EPHA5: variants seen among roughly 807,000 people sequenced by gnomAD.
The protein encoded by EPHA5 is EPH receptor A5, also known as ephrin type-A receptor 5.
Under a neutral mutation model 105.0 loss-of-function variants are expected in EPHA5, and 60 were observed. That is an observed-to-expected ratio of 0.57 (90% CI 0.46 to 0.71). The LOEUF (loss-of-function observed/expected upper bound fraction) is 0.71. Ranked by LOEUF, EPHA5 falls within the 30% of genes least tolerant of loss-of-function variation. EPHA5 has a pLI of 0.00. For synonymous variants in EPHA5, 513 were observed against 449.1 expected (o/e 1.14, Z -1.80); for missense variants, 1,218 against 1,274.7 (o/e 0.96, Z 0.68).
intron 2 of EPHA5, among the ~76,000 whole-genome samples, chr4:65,625,136 T>A (rs550673399): frequency 1.3e-5 from 2 of 152,258 alleles, no homozygotes; most frequent in African/African-American, 2.4e-5. Flanking sequence ...TTATCTCATA[T>A]GATATAACAT....
At chr4:65,604,360 T>C (rs1266404430) in intron 2 of EPHA5, among the ~76,000 whole-genome samples, 1 of 152,194 alleles carries the variant, frequency 6.6e-6, no homozygotes, top group Non-Finnish European at 1.5e-5. Flanking sequence ...CTTGCTTCTC[T>C]GAATATTCTC....
chr4:65,363,967 C>T (rs543847930), intron 11 of EPHA5, among the ~76,000 whole-genome samples: 3 of 151,584 alleles, frequency 2.0e-5, no homozygotes, highest in East Asian at 1.9e-4. Context: ...TAAAAAAATG[C>T]TGTTTCCTCT....
chr4:65,529,646 A>T (rs1266075007), intron 3 of EPHA5, among the ~76,000 whole-genome samples: 1 of 152,160 alleles, frequency 6.6e-6, no homozygotes, highest in African/African-American at 2.4e-5. Context: ...ACAATTGCTT[A>T]TTAATAAATG....
chr4:65,363,043 G>A (rs774980251), intron 11 of EPHA5, among the ~76,000 whole-genome samples: 1 of 151,656 alleles, frequency 6.6e-6, no homozygotes, highest in Non-Finnish European at 1.5e-5. Flanking sequence ...AGAGTTGGTA[G>A]ACTTTGAATA....
intron 3 of EPHA5, among the ~76,000 whole-genome samples, chr4:65,560,902 A>T (rs1738942166): frequency 6.6e-6 from 1 of 152,000 alleles, no homozygotes; most frequent in Non-Finnish European, 1.5e-5. Flanking sequence ...AAATGACTCC[A>T]TGTTACTTGA....
intron 3 of EPHA5, among the ~76,000 whole-genome samples, chr4:65,520,966 G>A (rs918060099): frequency 6.6e-6 from 1 of 152,122 alleles, no homozygotes; most frequent in Non-Finnish European, 1.5e-5. Flanking sequence ...AGACAGTTTG[G>A]CGATTCCTCA....
At chr4:65,359,401 T>C (rs910846497) in intron 11 of EPHA5, among the ~76,000 whole-genome samples, 1 of 151,640 alleles carries the variant, frequency 6.6e-6, no homozygotes. Flanking sequence ...ATTTTTCTTT[T>C]TACTTCTTGA....
Position 65,323,939 on chromosome 4 carries a change from T to G in EPHA5, c.*175A>C. On this transcript the variant is annotated 3_prime_UTR_variant, in exon 17 of 17. Transcript: ENST00000613740. ...TTCATGAAAAATGAAGACTAAGGAC[T>G]AAGAACTGGATACTTCAGTAAAACC... 1 of 491,202 alleles carries G rather than the reference T, an allele frequency of 2.0e-6. No homozygotes were observed. Among genetic ancestry groups the G allele is most frequent in the Non-Finnish European group, 3.6e-6 (1 of 274,524 alleles). The allele number at this position is 491,202 out of a possible 1,614,324, so 30.4% of individuals were successfully genotyped here. A position where few individuals can be genotyped will look rare whatever the true frequency, so the allele number is the denominator to read the frequency against.
At chr4:65,501,239 A>C (rs1732459198) in intron 3 of EPHA5, among the ~76,000 whole-genome samples, 3 of 151,446 alleles carry the variant, frequency 2.0e-5, no homozygotes, top group South Asian at 2.1e-4. Flanking sequence ...TTCATATTTA[A>C]AACATTGGAA....
chr4:65,504,691 CT>C (rs987020356), intron 3 of EPHA5, among the ~76,000 whole-genome samples: 1 of 151,788 alleles, frequency 6.6e-6, no homozygotes, highest in African/African-American at 2.4e-5. Flanking sequence ...TGACACATGG[CT>C]TTTTGACTGC....
At chr4:65,426,876 C>A (rs1240879900) in intron 5 of EPHA5, among the ~76,000 whole-genome samples, 1 of 151,900 alleles carries the variant, frequency 6.6e-6, no homozygotes, top group Non-Finnish European at 1.5e-5. Flanking sequence ...ATAGGTAGAA[C>A]TATATTTGAA....
chr4:65,606,354 A>G (rs964496911), intron 2 of EPHA5, among the ~76,000 whole-genome samples: 2 of 152,306 alleles, frequency 1.3e-5, no homozygotes, highest in Middle Eastern at 3.4e-3. Flanking sequence ...CTTAATTCAG[A>G]GATCCCACTA....
chr4:65,491,157 G>C (rs1454460078), intron 4 of EPHA5, among the ~76,000 whole-genome samples: 2 of 149,890 alleles, frequency 1.3e-5, no homozygotes, highest in African/African-American at 2.5e-5. Context: ...TTTCAGCGTA[G>C]CTCCTGACTA....
intron 3 of EPHA5, among the ~76,000 whole-genome samples, chr4:65,525,491 C>G (rs938011953): frequency 2.0e-5 from 3 of 151,746 alleles, no homozygotes; most frequent in African/African-American, 7.2e-5. Context: ...TGCTACAAGT[C>G]TCTTCCTGCT....
In EPHA5 at chr4:65,492,200, G is replaced by A. The variant is rs149177009; in HGVS notation, c.1067-1488C>T. Reference sequence around the variant, plus strand: ...CATTTAAGATTTAGCTGGATAGAATGTCATTTATCTATTTATTTAGGGACA... The same window carrying A: ...CATTTAAGATTTAGCTGGATAGAATATCATTTATCTATTTATTTAGGGACA... On this transcript the variant is annotated intron_variant, in intron 4 of 16. Coordinates refer to ENST00000613740, the MANE Select transcript of EPHA5 (RefSeq NM_001281766.3). Among the ~76,000 whole-genome samples, 548 of 152,126 alleles carry A rather than the reference G, an allele frequency of 3.6e-3. 2 individuals carry two copies. Among genetic ancestry groups the A allele is most frequent in the African/African-American group, 0.013 (519 of 41,518 alleles).
chr4:65,363,478 G>T (rs752625588), intron 11 of EPHA5, among the ~76,000 whole-genome samples: 3 of 151,372 alleles, frequency 2.0e-5, no homozygotes, highest in Non-Finnish European at 3.0e-5. Context: ...ACAGTAATCT[G>T]GCATTGTTCT....
chr4:65,494,385 T>C (rs1731713036), intron 4 of EPHA5, among the ~76,000 whole-genome samples: 1 of 152,204 alleles, frequency 6.6e-6, no homozygotes, highest in South Asian at 2.1e-4. Context: ...TGAAAGCAGC[T>C]ACAACTTTCT....
intron 5 of EPHA5, among the ~76,000 whole-genome samples, chr4:65,457,040 G>T (rs1727666405): frequency 6.7e-6 from 1 of 150,344 alleles, no homozygotes; most frequent in African/African-American, 2.4e-5. Flanking sequence ...GATAACCTGA[G>T]AACTGACCTC....
intron 2 of EPHA5, among the ~76,000 whole-genome samples, chr4:65,640,532 C>T (rs566550023): frequency 1.3e-5 from 2 of 152,150 alleles, no homozygotes; most frequent in African/African-American, 4.8e-5. Flanking sequence ...GTGATCCACC[C>T]GCCTCGGCCT....
Sources: allele counts gnomAD v4.1 joint callset (sites outside exome capture counted in the v4.1 genomes callset), GRCh38; gene constraint gnomAD v4.1.1; transcripts MANE v1.5; gene names NCBI Gene and HGNC (gene_info 2026-07-23, HGNC 2026-07-21).